Variants in RAB19 observed in about 807,000 individuals in gnomAD.
RAB19 encodes RAB19, member RAS oncogene family.
Under a neutral mutation model 17.3 loss-of-function variants are expected in RAB19, and 21 were observed. The ratio of observed to expected loss-of-function variants is 1.21; its 90% CI spans 0.86 to 1.74. RAB19 has a LOEUF of 1.74. RAB19 is among the 40% of genes most tolerant of loss of function. The pLI is 0.00. For missense variants in RAB19, 277 were observed against 286.8 expected (o/e 0.97, Z 0.25); for synonymous variants, 126 against 110.4 (o/e 1.14, Z -0.88).
chr7:140,413,717 A>G (rs1799406820), intron 3 of RAB19, among the ~76,000 whole-genome samples: 3 of 152,074 alleles, frequency 2.0e-5, no homozygotes, highest in African/African-American at 7.2e-5. Context: ...AAATAAATAA[A>G]TAAATAATAA....
chr7:140,422,836 C>T (rs1427748447), intron 3 of RAB19, among the ~76,000 whole-genome samples: 1 of 151,974 alleles, frequency 6.6e-6, no homozygotes, highest in Admixed American at 6.6e-5. Flanking sequence ...GGCCAGGCAC[C>T]GTGGCTCACA....
At chr7:140,405,964 C>T (rs1443109311) in intron 1 of RAB19, among the ~76,000 whole-genome samples, 2 of 151,704 alleles carry the variant, frequency 1.3e-5, no homozygotes, top group African/African-American at 2.4e-5. Context: ...ATTTTCCAGC[C>T]GGGCATGGTG....
rs1386006556 is a variant in RAB19 at position 140,427,039 on chromosome 7, A to C, written c.*889A>C. Reference sequence around the variant, plus strand: ...GTATTTTTTGTAGAGACAAGGTTTCACCATGTTGCTCAGGCTGATCTTGAA... The same window carrying C: ...GTATTTTTTGTAGAGACAAGGTTTCCCCATGTTGCTCAGGCTGATCTTGAA... On this transcript the variant is annotated 3_prime_UTR_variant, in exon 4 of 4. Coordinates refer to ENST00000537763, the MANE Select transcript of RAB19 (RefSeq NM_001008749.3). Among the ~76,000 whole-genome samples, 2 of 150,366 alleles carry C rather than the reference A, an allele frequency of 1.3e-5. No homozygotes were observed. Among genetic ancestry groups the C allele is most frequent in the African/African-American group, 2.4e-5 (1 of 40,878 alleles).
intron 3 of RAB19, among the ~76,000 whole-genome samples, 177 bp downstream of exon 3, chr7:140,412,234 G>A (rs1799379487): frequency 6.6e-6 from 1 of 151,944 alleles, no homozygotes; most frequent in Non-Finnish European, 1.5e-5. Flanking sequence ...GGCGGATCAC[G>A]AGGTCAGGAG....
intron 3 of RAB19, among the ~76,000 whole-genome samples, chr7:140,420,705 G>C (rs754632481): frequency 6.6e-6 from 1 of 152,044 alleles, no homozygotes; most frequent in South Asian, 2.1e-4. Context: ...CCACTAGGGC[G>C]CTGCACTAGG....
intron 2 of RAB19, 25 bp downstream of exon 2, chr7:140,407,872 G>T (rs12703834): frequency 1.9e-5 from 25 of 1,303,192 alleles, no homozygotes; most frequent in Non-Finnish European, 2.7e-5. Flanking sequence ...GGACGGGACT[G>T]GTTCCACCTT....
intron 2 of RAB19, chr7:140,410,844 A>G: frequency 1.0e-6 from 1 of 971,724 alleles, no homozygotes; most frequent in Non-Finnish European, 1.4e-6. Flanking sequence ...GAGAATATGA[A>G]GAAATTGCTA....
intron 1 of RAB19, among the ~76,000 whole-genome samples, chr7:140,405,579 T>C (rs1345738829): frequency 6.6e-6 from 1 of 151,840 alleles, no homozygotes; most frequent in Admixed American, 6.6e-5. Flanking sequence ...GCTCTCATTA[T>C]ATTGCCTAGA....
At position 140,426,164 on chromosome 7, in the gene RAB19, C is replaced by T. The variant is rs772202993; in HGVS notation, c.*14C>T. ...TGCACTTGCTAAGATGTTTGCAAAG[C>T]CAGTTGCACCCACCAAAGAGGCCGC... On this transcript the variant is annotated 3_prime_UTR_variant, in exon 4 of 4. Transcript: ENST00000537763. 3.1e-6 allele frequency: 5 copies of T among 1,604,094 alleles called. No individual in the cohort carries two copies. The highest frequency in any genetic ancestry group is 4.3e-6 in the Non-Finnish European group (5 of 1,174,294).
chr7:140,414,900 C>T (rs1367634881), intron 3 of RAB19, among the ~76,000 whole-genome samples: 1 of 152,004 alleles, frequency 6.6e-6, no homozygotes, highest in African/African-American at 2.4e-5. Context: ...CTCCTAATGT[C>T]CCCATGTAAA....
At chr7:140,406,271 G>T (rs1374337433) in intron 1 of RAB19, among the ~76,000 whole-genome samples, 1 of 136,562 alleles carries the variant, frequency 7.3e-6, no homozygotes, top group Non-Finnish European at 1.6e-5. Flanking sequence ...AAAAAAAAAG[G>T]AAATATATAT....
chr7:140,407,601 T>C, intron 1 of RAB19, 23 bp from the exon 2 acceptor site: 1 of 1,588,708 alleles, frequency 6.3e-7, no homozygotes, highest in Non-Finnish European at 8.6e-7. Context: ...TTCCTGGTGC[T>C]GAATTCCATC....
At chr7:140,410,917 G>C (rs1799347555) in intron 2 of RAB19, 1 of 1,367,352 alleles carries the variant, frequency 7.3e-7, no homozygotes, top group South Asian at 1.1e-5. Flanking sequence ...AATTTGGGAG[G>C]TATTATTGTG....
At chr7:140,415,724 G>A (rs959676663) in intron 3 of RAB19, among the ~76,000 whole-genome samples, 7 of 151,794 alleles carry the variant, frequency 4.6e-5, no homozygotes, top group Non-Finnish European at 1.0e-4. Flanking sequence ...AGGCCAAGGC[G>A]GGCGGATTAT....
chr7:140,426,347 A>T lies in RAB19; in HGVS notation c.*197A>T, dbSNP rs1799672283. Reference sequence around the variant, plus strand: ...GGTCATAGCTGCTGACTCTCAGGAAAACCAGCACCATTGTTTTCACTGACT... The same window carrying T: ...GGTCATAGCTGCTGACTCTCAGGAATACCAGCACCATTGTTTTCACTGACT... On this transcript the variant is annotated 3_prime_UTR_variant, in exon 4 of 4. Coordinates refer to ENST00000537763, the MANE Select transcript of RAB19 (RefSeq NM_001008749.3). The T allele has an allele frequency of 1.7e-6, 1 of 593,150 alleles. No individual in the cohort carries two copies. The highest frequency in any genetic ancestry group is 3.3e-5 in the Admixed American group (1 of 30,702). 36.7% of individuals were successfully genotyped at this position (593,150 alleles called of 1,614,324 possible).
chr7:140,405,527 C>A (rs893005938), intron 1 of RAB19, among the ~76,000 whole-genome samples: 7 of 143,240 alleles, frequency 4.9e-5, no homozygotes, highest in Non-Finnish European at 9.0e-5. Context: ...TGGCCTATTT[C>A]TTATTATTTT....
In RAB19 at chr7:140,418,013, C is replaced by T. The variant is rs145667141; in HGVS notation, c.385+5956C>T. On this transcript the variant is annotated intron_variant, in intron 3 of 3. Transcript: ENST00000537763. Reference sequence around the variant, plus strand: ...GAGGCCAGAGCCTGGTCTCCATGGGCCCCCGTTCCTAGCCTATTGTAGCAC... The same window carrying T: ...GAGGCCAGAGCCTGGTCTCCATGGGTCCCCGTTCCTAGCCTATTGTAGCAC... Among the ~76,000 whole-genome samples, 517 of 152,280 alleles carry T rather than the reference C, an allele frequency of 3.4e-3. 2 individuals are homozygous for T. The highest frequency in any genetic ancestry group is 0.012 in the African/African-American group (495 of 41,558).
Position 140,411,904 on chromosome 7 carries a change from C to A in RAB19, c.232C>A (p.Arg78Ser). 1 of 1,614,150 alleles carries A rather than the reference C, an allele frequency of 6.2e-7. No homozygotes were observed. The highest frequency in any genetic ancestry group is 8.5e-7 in the Non-Finnish European group (1 of 1,180,032). The change falls in exon 3 of 4, where the codon CGC (arginine) becomes AGC (serine). Residue 78 changes from arginine to serine, a missense_variant. Physicochemically the swap from Arg to Ser is moderately radical, Grantham distance 110 (BLOSUM62 -1). Coordinates refer to ENST00000537763, the MANE Select transcript of RAB19 (RefSeq NM_001008749.3). ...GGTGTGGGACACAGCTGGCCAGGAG[C>A]GCTTCCGCACCATCACCCAAAGCTA... is the stretch of plus-strand genomic sequence containing the variant. ...MQVWDTAGQE[R>S]FRTITQSYYR...
At chr7:140,418,396 CAAAAAAAAA>C (rs140238398) in intron 3 of RAB19, among the ~76,000 whole-genome samples, 2 of 70,356 alleles carry the variant, frequency 2.8e-5, no homozygotes, top group African/African-American at 1.1e-4. Context: ...TGCTAAAATA[CAAAAAAAAA>C]AAAAAAAAAA....
Sources: allele counts gnomAD v4.1 joint callset (sites outside exome capture counted in the v4.1 genomes callset), GRCh38; gene constraint gnomAD v4.1.1; transcripts MANE v1.5; gene names NCBI Gene and HGNC (gene_info 2026-07-23, HGNC 2026-07-21).